Variants in MYRIP observed in about 807,000 individuals in gnomAD.
MYRIP encodes the protein myosin VIIA and Rab interacting protein, also known as rab effector MyRIP.
A neutral mutation model predicts 98.0 loss-of-function variants in MYRIP; 49 were observed. The ratio of observed to expected loss-of-function variants is 0.50; its 90% CI spans 0.40 to 0.63. The LOEUF is 0.63. Among genes scored for constraint, MYRIP ranks in the 30% least tolerant of loss-of-function variants. MYRIP has a pLI of 0.00. For missense variants in MYRIP, 1,004 were observed against 1,058.2 expected (o/e 0.95, Z 0.71); for synonymous variants, 404 against 409.5 (o/e 0.99, Z 0.16).
At chr3:40,204,100 T>C (rs1247415958) in intron 10 of MYRIP, among the ~76,000 whole-genome samples, 2 of 17,650 alleles carry the variant, frequency 1.1e-4, no homozygotes, top group Non-Finnish European at 2.3e-4. Context: ...TTATATAATA[T>C]ATTATATAAT....
intron 2 of MYRIP, among the ~76,000 whole-genome samples, chr3:40,024,129 G>A (rs1451409383): frequency 6.6e-6 from 1 of 152,138 alleles, no homozygotes; most frequent in Non-Finnish European, 1.5e-5. Context: ...TCCTCTACTT[G>A]TATATGAAAC....
Position 40,251,982 on chromosome 3 carries a change from A to G in MYRIP, c.2530A>G (p.Thr844Ala). 6.2e-7 allele frequency: 1 copy of G among 1,608,810 alleles called. No individual in the cohort carries two copies. The highest frequency in any genetic ancestry group is 8.5e-7 in the Non-Finnish European group (1 of 1,175,232). ...AAACAGGACTAAGGAAAGGAAAGGCACCACCAAGGATTTGATGGTAAATGT... is the reference window on the plus strand; with the variant it reads ...AAACAGGACTAAGGAAAGGAAAGGCGCCACCAAGGATTTGATGGTAAATGT... ...STNRTKERKG[T>A]TKDLMEPALE... The change falls in exon 16 of 17, where the codon ACC becomes GCC. Residue 844 changes from threonine (T) to alanine (A), a missense_variant. Transcript: ENST00000302541.
chr3:39,849,245 C>T (rs1942056829), intron 1 of MYRIP, among the ~76,000 whole-genome samples: 1 of 152,146 alleles, frequency 6.6e-6, no homozygotes, highest in African/African-American at 2.4e-5. Flanking sequence ...TCCCATATTC[C>T]AGTACCAATG....
chr3:39,930,334 G>A (rs1466020327), intron 2 of MYRIP, among the ~76,000 whole-genome samples: 1 of 151,864 alleles, frequency 6.6e-6, no homozygotes, highest in Admixed American at 6.6e-5. Flanking sequence ...TTGGCCATTT[G>A]TGTATCTTTT....
At position 39,913,087 on chromosome 3, in the gene MYRIP, A is replaced by G. The variant is rs557142564; in HGVS notation, c.110+12161A>G. 4.6e-5 allele frequency among the ~76,000 whole-genome samples: 7 copies of G among 152,338 alleles called. No homozygotes were observed. The South Asian group carries it at 1.5e-3, about 32-fold the overall frequency. On this transcript the variant is annotated intron_variant, in intron 2 of 16. Transcript: ENST00000302541. ...AAATTTATATAATACATTCTTCAAT[A>G]TTCCTGTAGATAAAGACAATTTCTC...
chr3:39,901,928 C>T (rs1178272451), intron 2 of MYRIP, among the ~76,000 whole-genome samples: 2 of 151,888 alleles, frequency 1.3e-5, no homozygotes, highest in East Asian at 1.9e-4. Flanking sequence ...TGAGGTACTC[C>T]GAGATAGAAG....
In MYRIP at chr3:40,042,962, C is replaced by G. The variant is rs1484949161; in HGVS notation, c.111-1088C>G. Among the ~76,000 whole-genome samples, 3 of 152,316 alleles carry G rather than the reference C, an allele frequency of 2.0e-5. No individual in the cohort carries two copies. The East Asian group carries it at 5.8e-4, about 29-fold the overall frequency. On this transcript the variant is annotated intron_variant, in intron 2 of 16. Coordinates refer to ENST00000302541, the MANE Select transcript of MYRIP (RefSeq NM_015460.4). ...AAACATAGTCCACCATAGAATATCT[C>G]CCTCATGACCTCATGGCTGACTGGG...
chr3:40,056,089 C>T (rs1395088594), intron 3 of MYRIP, among the ~76,000 whole-genome samples: 2 of 152,182 alleles, frequency 1.3e-5, no homozygotes, highest in East Asian at 1.9e-4. Context: ...GTGTGACAGG[C>T]ATCCCTGGCT....
At chr3:39,904,511 C>T (rs987126890) in intron 2 of MYRIP, among the ~76,000 whole-genome samples, 7 of 152,280 alleles carry the variant, frequency 4.6e-5, no homozygotes, top group African/African-American at 1.2e-4. Flanking sequence ...GCTGGGATTA[C>T]AGCCATGAGC....
chr3:39,827,630 T>C (rs1941309286), intron 1 of MYRIP, among the ~76,000 whole-genome samples: 2 of 152,210 alleles, frequency 1.3e-5, no homozygotes, highest in South Asian at 4.1e-4. Context: ...GTTCCTTTTT[T>C]TTCTTCTTTG....
In MYRIP at chr3:40,007,343, T is replaced by TAAAA. The variant is rs5848544; in HGVS notation, c.111-36698_111-36695dup. On this transcript the variant is annotated intron_variant, in intron 2 of 16. Coordinates refer to ENST00000302541, the MANE Select transcript of MYRIP (RefSeq NM_015460.4). ...ACTTTGCATTAGTTTAAATATATGT[T>TAAAA]AAAAAAAAAAAACCACACATGGAGA... Among the ~76,000 whole-genome samples the TAAAA allele has an allele frequency of 9.0e-3, 1,331 of 148,676 alleles. 21 individuals are homozygous for TAAAA. Among genetic ancestry groups the TAAAA allele is most frequent in the African/African-American group, 0.031 (1,232 of 40,334 alleles).
intron 2 of MYRIP, among the ~76,000 whole-genome samples, chr3:39,971,528 A>T (rs1367507927): frequency 6.6e-6 from 1 of 152,102 alleles, no homozygotes; most frequent in Non-Finnish European, 1.5e-5. Flanking sequence ...GCATTTTAAA[A>T]ATTCATCTTG....
intron 4 of MYRIP, among the ~76,000 whole-genome samples, chr3:40,154,635 G>A (rs1226063793): frequency 6.6e-6 from 1 of 152,056 alleles, no homozygotes; most frequent in Non-Finnish European, 1.5e-5. Context: ...GTGGTTTTCT[G>A]CACCTATCAA....
intron 1 of MYRIP, among the ~76,000 whole-genome samples, chr3:39,858,242 GC>G (rs1403966390): frequency 6.6e-6 from 1 of 152,160 alleles, no homozygotes; most frequent in East Asian, 1.9e-4. Context: ...ATCAGGAATG[GC>G]TATACTTATG....
chr3:40,052,103 AC>A lies in MYRIP; in HGVS notation c.332+7833del, dbSNP rs368108687. On this transcript the variant is annotated intron_variant, in intron 3 of 16. Coordinates refer to ENST00000302541, the MANE Select transcript of MYRIP (RefSeq NM_015460.4). Reference sequence around the variant, plus strand: ...AATTGTTGTTAACTGTAATTTCCCTACTATACTATTGAATACTATAACTTTT... The same window carrying A: ...AATTGTTGTTAACTGTAATTTCCCTATATACTATTGAATACTATAACTTTT... Among the ~76,000 whole-genome samples the A allele has an allele frequency of 3.3e-4, 50 of 152,184 alleles. No individual in the cohort carries two copies. In the East Asian group the frequency reaches 7.4e-3, roughly 22 times the overall value.
chr3:39,945,275 G>A (rs1374862563), intron 2 of MYRIP, among the ~76,000 whole-genome samples: 1 of 129,208 alleles, frequency 7.7e-6, no homozygotes, highest in Non-Finnish European at 1.5e-5. Flanking sequence ...TTCAAGACTA[G>A]CCTGGCCAAC....
intron 1 of MYRIP, among the ~76,000 whole-genome samples, chr3:39,872,606 C>T (rs918217265): frequency 1.7e-3 from 257 of 150,634 alleles, no homozygotes; most frequent in Non-Finnish European, 2.4e-3. Flanking sequence ...TTTGTCCTTG[C>T]GATAGTTTAC....
At chr3:39,852,832 G>C (rs1942175288) in intron 1 of MYRIP, among the ~76,000 whole-genome samples, 1 of 152,094 alleles carries the variant, frequency 6.6e-6, no homozygotes. Flanking sequence ...CCAGACTGGA[G>C]TGCAGTGGCA....
chr3:39,911,290 G>C (rs1056066755), intron 2 of MYRIP, among the ~76,000 whole-genome samples: 35 of 120,038 alleles, frequency 2.9e-4, no homozygotes, highest in African/African-American at 9.7e-4. Context: ...TTGTAATGTA[G>C]AAAAAGGAAT....
Sources: gnomAD v4.1 joint callset for allele counts (sites outside exome capture counted in the v4.1 genomes callset) on GRCh38, gnomAD v4.1.1 for gene constraint, MANE v1.5 for transcripts, NCBI Gene and HGNC (gene_info 2026-07-23, HGNC 2026-07-21) for gene names.